Variants in CTCF observed in about 807,000 individuals in gnomAD.
CTCF encodes CCCTC-binding factor.
CTCF carries 7 observed loss-of-function variants against 72.3 expected under a neutral mutation model. The ratio of observed to expected loss-of-function variants is 0.10; its 90% CI spans 0.06 to 0.18. The LOEUF (loss-of-function observed/expected upper bound fraction) is 0.18, where lower values mean the gene tolerates loss of function less well. CTCF is among the 10% of genes least tolerant of loss of function. The pLI, the probability that CTCF is intolerant of heterozygous loss-of-function variation, is 1.00. For missense variants in CTCF, 516 were observed against 949.1 expected (o/e 0.54, Z 6.00); for synonymous variants, 374 against 315.8 (o/e 1.18, Z -1.95).
rs1183559416 is a variant in CTCF at position 67,638,839 on chromosome 16, A to G, written c.*967A>G. The G allele has an allele frequency of 4.7e-6, 1 of 211,636 alleles. No individual in the cohort carries two copies. Among genetic ancestry groups the G allele is most frequent in the Non-Finnish European group, 9.6e-6 (1 of 104,174 alleles). The allele number at this position is 211,636 out of a possible 1,614,324, so 13.1% of individuals were successfully genotyped here. ...AAAATTTCACTAGGTCAGTAATTTAAACCTTGGATCTTCAAAAAATAAAAT... is the reference window on the plus strand; with the variant it reads ...AAAATTTCACTAGGTCAGTAATTTAGACCTTGGATCTTCAAAAAATAAAAT... On this transcript the variant is annotated 3_prime_UTR_variant, in exon 12 of 12. Coordinates refer to ENST00000264010, the MANE Select transcript of CTCF (RefSeq NM_006565.4).
intron 1 of CTCF, among the ~76,000 whole-genome samples, chr16:67,567,163 CTT>C (rs770484344): frequency 2.0e-5 from 3 of 152,142 alleles, no homozygotes; most frequent in Non-Finnish European, 2.9e-5. Context: ...CACCTGTAAA[CTT>C]TCTGTAGTCT....
chr16:67,570,909 A>G lies in CTCF; in HGVS notation c.-126-239A>G, dbSNP rs190482892. 3 of 152,056 alleles carry G rather than the reference A, an allele frequency of 2.0e-5. No homozygotes were observed. In the East Asian group the frequency reaches 5.8e-4, roughly 29 times the overall value. The allele number at this position is 152,056 out of a possible 1,614,324, so 9.4% of individuals were successfully genotyped here. On this transcript the variant is annotated intron_variant, in intron 1 of 11. Coordinates refer to ENST00000264010, the MANE Select transcript of CTCF (RefSeq NM_006565.4). ...TGTGAGCCTGGAGTACTATTTTGCT[A>G]CTTAGAAACCTTTAGTCCTTTATAT...
intron 1 of CTCF, among the ~76,000 whole-genome samples, chr16:67,565,445 C>T (rs1017955937): frequency 1.3e-5 from 2 of 151,764 alleles, no homozygotes; most frequent in South Asian, 2.1e-4. Context: ...GTGACCAAGG[C>T]GGGAGAATCA....
chr16:67,587,034 G>A (rs1228029433), intron 2 of CTCF, among the ~76,000 whole-genome samples: 1 of 150,802 alleles, frequency 6.6e-6, no homozygotes, highest in Non-Finnish European at 1.5e-5. Context: ...GTTTATAGGT[G>A]TGAGCCACTG....
At chr16:67,597,523 G>A (rs896164162) in intron 2 of CTCF, among the ~76,000 whole-genome samples, 1 of 152,158 alleles carries the variant, frequency 6.6e-6, no homozygotes, top group African/African-American at 2.4e-5. Context: ...ATTTTTAGTG[G>A]AGACGGGGTT....
intron 10 of CTCF, among the ~76,000 whole-genome samples, chr16:67,636,147 A>T (rs551222489): frequency 3.0e-4 from 45 of 152,118 alleles, no homozygotes; most frequent in Non-Finnish European, 6.0e-4. Flanking sequence ...AGGCCGAGGC[A>T]GGTGGATCAC....
intron 10 of CTCF, among the ~76,000 whole-genome samples, chr16:67,633,089 CTT>C (rs902841269): frequency 2.6e-5 from 4 of 152,270 alleles, no homozygotes; most frequent in African/African-American, 9.6e-5. Flanking sequence ...TAGTTTCTCA[CTT>C]TTTCTATAAA....
At chr16:67,566,610 T>C (rs1214944385) in intron 1 of CTCF, among the ~76,000 whole-genome samples, 2 of 151,040 alleles carry the variant, frequency 1.3e-5, no homozygotes, top group Non-Finnish European at 3.0e-5. Context: ...GGAGTCTCGC[T>C]TTGTCTACCA....
At chr16:67,604,389 C>T (rs2142801007) in intron 2 of CTCF, among the ~76,000 whole-genome samples, 1 of 152,230 alleles carries the variant, frequency 6.6e-6, no homozygotes, top group South Asian at 2.1e-4. Flanking sequence ...TGTTGCCAGG[C>T]TGGAGTGCAG....
chr16:67,594,888 G>A (rs2051791578), intron 2 of CTCF, among the ~76,000 whole-genome samples: 1 of 152,136 alleles, frequency 6.6e-6, no homozygotes, highest in East Asian at 1.9e-4. Flanking sequence ...TAAAACTTGT[G>A]GTCAGTTTGT....
At chr16:67,586,299 G>A (rs1017587070) in intron 2 of CTCF, among the ~76,000 whole-genome samples, 3 of 152,134 alleles carry the variant, frequency 2.0e-5, no homozygotes, top group Non-Finnish European at 4.4e-5. Flanking sequence ...CACTTTGGAA[G>A]GCCGAGGCGG....
chr16:67,583,160 A>G (rs920066608), intron 2 of CTCF, among the ~76,000 whole-genome samples: 1 of 150,904 alleles, frequency 6.6e-6, no homozygotes, highest in African/African-American at 2.4e-5. Flanking sequence ...AATTTTTTGT[A>G]TTTTTAGTAG....
chr16:67,625,813 C>G (rs996138522), intron 7 of CTCF, among the ~76,000 whole-genome samples: 4 of 144,284 alleles, frequency 2.8e-5, no homozygotes, highest in Non-Finnish European at 3.0e-5. Flanking sequence ...TATGCCCCCC[C>G]ACCCCCCGAC....
At chr16:67,592,908 T>G (rs966194822) in intron 2 of CTCF, among the ~76,000 whole-genome samples, 2 of 150,664 alleles carry the variant, frequency 1.3e-5, no homozygotes, top group Admixed American at 1.3e-4. Context: ...GTGCCTGTAG[T>G]CCCAGCTACT....
chr16:67,590,897 G>A lies in CTCF; in HGVS notation c.-10+19633G>A, dbSNP rs549919415. 4.7e-5 allele frequency among the ~76,000 whole-genome samples: 7 copies of A among 147,620 alleles called. No homozygotes were observed. The East Asian group carries it at 1.2e-3, about 26-fold the overall frequency. ...AATCGCTTGAACCCGGGAGGTGGAG[G>A]TTGCAGTAAGCTGAGATGGCACCAT... On this transcript the variant is annotated intron_variant, in intron 2 of 11. Transcript: ENST00000264010.
intron 2 of CTCF, among the ~76,000 whole-genome samples, chr16:67,581,704 C>T (rs998590206): frequency 6.6e-6 from 1 of 151,778 alleles, no homozygotes; most frequent in African/African-American, 2.4e-5. Context: ...GGTTTTATCA[C>T]GTTGGCCAGG....
intron 2 of CTCF, among the ~76,000 whole-genome samples, chr16:67,573,432 A>T (rs979544095): frequency 3.9e-5 from 6 of 152,212 alleles, no homozygotes; most frequent in Non-Finnish European, 8.8e-5. Flanking sequence ...ACCGTCTCAA[A>T]AAATAAATAA....
chr16:67,609,971 G>A (rs2142820375), intron 2 of CTCF, among the ~76,000 whole-genome samples: 1 of 152,186 alleles, frequency 6.6e-6, no homozygotes, highest in East Asian at 1.9e-4. Context: ...GTGTCTTGGA[G>A]GATGTTTAAT....
Position 67,629,473 on chromosome 16 carries a change from A to G in CTCF, c.1777A>G (p.Lys593Glu), listed in dbSNP as rs777121402. The change falls in exon 10 of 12, where the codon AAG becomes GAG. Residue 593 changes from lysine (K) to glutamate (E), a missense_variant. Lys to Glu is a moderately conservative substitution (Grantham distance 56). Coordinates refer to ENST00000264010, the MANE Select transcript of CTCF (RefSeq NM_006565.4). Reference protein sequence around the residue: ...VEGENGGETKKSKRGRKRKMR... With the variant: ...VEGENGGETKESKRGRKRKMR... Reference sequence around the variant, plus strand: ...GGGGGAAAATGGAGGAGAAACGAAGAAGAGTAAACGTGGAAGAAAAAGAAA... The same window carrying G: ...GGGGGAAAATGGAGGAGAAACGAAGGAGAGTAAACGTGGAAGAAAAAGAAA... The G allele has an allele frequency of 6.2e-7, 1 of 1,613,698 alleles. No homozygotes were observed. The highest frequency in any genetic ancestry group is 8.5e-7 in the Non-Finnish European group (1 of 1,179,854).
Sources: gnomAD v4.1 joint callset for allele counts (sites outside exome capture counted in the v4.1 genomes callset) on GRCh38, gnomAD v4.1.1 for gene constraint, MANE v1.5 for transcripts, NCBI Gene and HGNC (gene_info 2026-07-23, HGNC 2026-07-21) for gene names.